Variants in UPF2 observed in about 807,000 individuals in gnomAD.
UPF2 encodes the protein UPF2 regulator of nonsense mediated mRNA decay.
Under a neutral mutation model 141.4 loss-of-function variants are expected in UPF2, and 17 were observed. The observed-to-expected ratio is 0.12, with a 90% CI of 0.08 to 0.18. UPF2 has a LOEUF of 0.18. UPF2 is among the 10% of genes least tolerant of loss of function. The pLI, the probability that UPF2 is intolerant of heterozygous loss-of-function variation, is 1.00. For synonymous variants in UPF2, 540 were observed against 498.0 expected, an observed-to-expected ratio of 1.08 and a Z score of -1.12; for missense variants, 1,152 against 1,515.9, an observed-to-expected ratio of 0.76 and a Z score of 3.99.
chr10:11,936,627 G>C lies in UPF2; in HGVS notation c.3464C>G (p.Pro1155Arg). The change falls in exon 19 of 22, where the codon CCA (proline) becomes CGA (arginine). Residue 1155 changes from proline to arginine, a missense_variant. Physicochemically the swap from Pro to Arg is moderately radical, Grantham distance 103. This residue lies in a region of UPF2 where 202 missense variants were observed against 223.6 expected (regional missense o/e 0.90). Coordinates refer to ENST00000357604, the MANE Select transcript of UPF2 (RefSeq NM_015542.4). This position sits in a 1 kb window ranked among gnomAD's most constrained non-coding sequence, Gnocchi z 6.6. The stretch of plus-strand genomic sequence containing the variant: ...AGCCTCTCCTTCCCCACCTCCCAGT[G>C]GGGGCCCTTTCCTCAGCTGGCTTTT... ...HLKSQLRKGP[P>R]LGGGEGEAES... 6.2e-7 allele frequency: 1 copy of C among 1,613,442 alleles called. No homozygotes were observed. Among genetic ancestry groups the C allele is most frequent in the African/African-American group, 1.3e-5 (1 of 74,982 alleles).
intron 3 of UPF2, among the ~76,000 whole-genome samples, chr10:12,026,283 C>T (rs1616880): frequency 1 from 152,227 of 152,302 alleles, 76,076 homozygotes; most frequent in Non-Finnish European, 1. Flanking sequence ...AATAAAGCTT[C>T]AGTGCAAATA....
chr10:12,013,890 A>C, intron 4 of UPF2, 134 bp downstream of exon 4: 1 of 893,598 alleles, frequency 1.1e-6, no homozygotes. Flanking sequence ...ATGAGCCACC[A>C]TGCTTGGCCC....
chr10:11,979,708 T>C lies in UPF2; in HGVS notation c.1845-543A>G, dbSNP rs1355039315. On this transcript the variant is annotated intron_variant, in intron 8 of 21. Transcript: ENST00000357604. The surrounding 1 kb of genome is among the most constrained non-coding windows in gnomAD (Gnocchi z 6.2). ...GATCATGAGGTAAAGAGATCAAGAC[T>C]ATCCTGGCTAACACGGTGAAACCCC... Among the ~76,000 whole-genome samples the C allele has an allele frequency of 1.3e-5, 2 of 152,042 alleles. No individual in the cohort carries two copies. Among genetic ancestry groups the C allele is most frequent in the Non-Finnish European group, 2.9e-5 (2 of 68,000 alleles).
At chr10:11,986,630 A>G (rs1351145306) in intron 8 of UPF2, among the ~76,000 whole-genome samples, 1 of 152,234 alleles carries the variant, frequency 6.6e-6, no homozygotes, top group African/African-American at 2.4e-5. Flanking sequence ...GGTGCAATTA[A>G]AGAATACAAA....
At chr10:11,999,530 A>C (rs531548129) in intron 7 of UPF2, among the ~76,000 whole-genome samples, 18 of 148,766 alleles carry the variant, frequency 1.2e-4, no homozygotes, top group South Asian at 6.7e-4. Flanking sequence ...AAAAAAAAAA[A>C]AAACACACAC....
At chr10:11,987,812 G>T in intron 8 of UPF2, among the ~76,000 whole-genome samples, 1 of 141,178 alleles carries the variant, frequency 7.1e-6, no homozygotes, top group Non-Finnish European at 1.5e-5. Context: ...TAATGATAGT[G>T]TTTTGAGATT....
At chr10:11,954,095 G>A (rs1181153224) in intron 14 of UPF2, among the ~76,000 whole-genome samples, 2 of 152,062 alleles carry the variant, frequency 1.3e-5, no homozygotes, top group Non-Finnish European at 2.9e-5. Flanking sequence ...TAGTAATTGG[G>A]CTCCAACTAA....
Position 11,956,740 on chromosome 10 carries a change from AT to A in UPF2, c.2371-218del. 6.6e-6 allele frequency among the ~76,000 whole-genome samples: 1 copy of A among 152,158 alleles called. No homozygotes were observed. Among genetic ancestry groups the A allele is most frequent in the Non-Finnish European group, 1.5e-5 (1 of 68,040 alleles). ...CTAAATCCTTCCATAGTGCTCTCAA[AT>A]TTTCTAGAGTTTTCAGGTCTTCAAT... On this transcript the variant is annotated intron_variant, in intron 12 of 21. Coordinates refer to ENST00000357604, the MANE Select transcript of UPF2 (RefSeq NM_015542.4). The surrounding 1 kb of genome is among the most constrained non-coding windows in gnomAD (Gnocchi z 4.2).
At chr10:11,987,166 T>G (rs1008358042) in intron 8 of UPF2, among the ~76,000 whole-genome samples, 2 of 152,136 alleles carry the variant, frequency 1.3e-5, no homozygotes, top group African/African-American at 4.8e-5. Context: ...TGGACACATA[T>G]GTATACTTTA....
At chr10:11,997,791 C>T (rs767865497) in intron 7 of UPF2, 34 bp from the exon 8 acceptor site, 5 of 1,583,810 alleles carry the variant, frequency 3.2e-6, no homozygotes, top group Admixed American at 1.7e-5. Flanking sequence ...TCTTTAAAAA[C>T]CTCTAATTAG....
At chr10:12,000,222 A>T (rs1310048336) in intron 6 of UPF2, among the ~76,000 whole-genome samples, 1 of 152,212 alleles carries the variant, frequency 6.6e-6, no homozygotes, top group Non-Finnish European at 1.5e-5. Flanking sequence ...TCAACTATAA[A>T]AGTCAAACTT....
In UPF2 at chr10:12,035,139, C is replaced by T. The variant is rs1564374882; in HGVS notation, c.285G>A (p.Lys95=). Reference sequence around the variant, plus strand: ...TCTTTCTCTCTTCCTCTTGATGTTTCTTTTTTTCTTCCTCTTCTTTTTTCT... The same window carrying T: ...TCTTTCTCTCTTCCTCTTGATGTTTTTTTTTTTCTTCCTCTTCTTTTTTCT... The part of the protein sequence containing the change: ...ESKKKEEEEK[K]KHQEEERKKQ... Residue 95 remains lysine, a synonymous_variant, in exon 2 of 22, where the codon AAG becomes AAA. Transcript: ENST00000357604. 1.9e-6 allele frequency: 3 copies of T among 1,600,216 alleles called. No individual in the cohort carries two copies. The highest frequency in any genetic ancestry group is 2.3e-5 in the South Asian group (2 of 86,948).
chr10:11,934,555 G>GCA lies in UPF2; in HGVS notation c.3546+1989_3546+1990insTG, dbSNP rs1487616482. On this transcript the variant is annotated intron_variant, in intron 19 of 21. Transcript: ENST00000357604. The stretch of plus-strand genomic sequence containing the variant: ...CTCAATACATGAGTCATGCCGTGAA[G>GCA]TCTTTGCCAGCTCCACACTCCATGA... Among the ~76,000 whole-genome samples the GCA allele has an allele frequency of 7.9e-5, 12 of 152,202 alleles. No individual in the cohort carries two copies. The East Asian group carries it at 2.3e-3, about 29-fold the overall frequency.
At chr10:11,963,017 T>C (rs915007015) in intron 11 of UPF2, among the ~76,000 whole-genome samples, 15 of 152,332 alleles carry the variant, frequency 9.8e-5, no homozygotes, top group African/African-American at 3.6e-4. Flanking sequence ...TATTTATTTG[T>C]CTGACTGTCC....
chr10:12,018,693 A>G (rs929037484), intron 3 of UPF2, among the ~76,000 whole-genome samples: 7 of 152,190 alleles, frequency 4.6e-5, no homozygotes, highest in Non-Finnish European at 8.8e-5. Flanking sequence ...TCGAGGCTGC[A>G]GTAAGCCGTG....
At chr10:12,020,084 T>G (rs1326147247) in intron 3 of UPF2, among the ~76,000 whole-genome samples, 1 of 152,058 alleles carries the variant, frequency 6.6e-6, no homozygotes, top group Non-Finnish European at 1.5e-5. Context: ...CCAGTCAATT[T>G]TTGAGTCAAG....
intron 8 of UPF2, among the ~76,000 whole-genome samples, chr10:11,991,855 T>C (rs529887726): frequency 9.9e-5 from 15 of 152,112 alleles, no homozygotes; most frequent in African/African-American, 3.4e-4. Context: ...TATTAGAAAA[T>C]GAACTTCAGG....
chr10:12,014,296 C>A lies in UPF2; in HGVS notation c.1146-112G>T. On this transcript the variant is annotated intron_variant, in intron 3 of 21. Transcript: ENST00000357604. The surrounding 1 kb of genome is among the most constrained non-coding windows in gnomAD (Gnocchi z 5.0). Reference sequence around the variant, plus strand: ...TTTTCTCATACAAATTTAGTAAAATCTTCATTTTTATTTAACATTTGAATC... The same window carrying A: ...TTTTCTCATACAAATTTAGTAAAATATTCATTTTTATTTAACATTTGAATC... 9.4e-7 allele frequency: 1 copy of A among 1,063,920 alleles called. No individual in the cohort carries two copies. Among genetic ancestry groups the A allele is most frequent in the Non-Finnish European group, 1.2e-6 (1 of 823,646 alleles). The allele number at this position is 1,063,920 out of a possible 1,614,324, so 65.9% of individuals were successfully genotyped here.
In UPF2 at chr10:12,016,621, G is replaced by A. The variant is rs955070455; in HGVS notation, c.1146-2437C>T. On this transcript the variant is annotated intron_variant, in intron 3 of 21. Transcript: ENST00000357604. The surrounding 1 kb of genome is among the most constrained non-coding windows in gnomAD (Gnocchi z 4.1). ...AGCCAGGAGAATCACTTGAACCCGG[G>A]AGGCAGAGGTTGCAGTGAGCCAAGA... is the stretch of plus-strand genomic sequence containing the variant. Among the ~76,000 whole-genome samples the A allele has an allele frequency of 4.0e-5, 6 of 151,736 alleles. No homozygotes were observed. Among genetic ancestry groups the A allele is most frequent in the Admixed American group, 2.6e-4 (4 of 15,208 alleles).
Sources: allele counts gnomAD v4.1 joint callset (sites outside exome capture counted in the v4.1 genomes callset), GRCh38; gene constraint gnomAD v4.1.1; regional missense constraint gnomAD v4.1.1; non-coding constraint Gnocchi (gnomAD v3.1); transcripts MANE v1.5; gene names NCBI Gene and HGNC (gene_info 2026-07-23, HGNC 2026-07-21).